Variants in LINGO2 observed in about 807,000 individuals in gnomAD.
LINGO2 encodes leucine-rich repeat and immunoglobulin-like domain-containing nogo receptor-interacting protein 2.
A neutral mutation model predicts 30.6 loss-of-function variants in LINGO2; 14 were observed. The observed-to-expected ratio is 0.46, with a 90% CI of 0.30 to 0.72. LINGO2 has a LOEUF of 0.72. Among genes scored for constraint, LINGO2 ranks in the 30% least tolerant of loss-of-function variants. The probability of loss-of-function intolerance (pLI) is 0.07; values close to 1 mark genes in which losing one functional copy is unlikely to be tolerated. For synonymous variants in LINGO2, 317 were observed against 288.5 expected (o/e 1.10, Z -1.00); for missense variants, 729 against 751.7 (o/e 0.97, Z 0.35).
At chr9:28,173,140 T>C (rs2044962) in intron 4 of LINGO2, among the ~76,000 whole-genome samples, 53,715 of 151,660 alleles carry the variant, frequency 0.35, 10,408 homozygotes, top group East Asian at 0.49. Context: ...CAAGGTCTGT[T>C]ATATATATAT....
At chr9:28,648,703 G>A (rs1049000427) in intron 1 of LINGO2, among the ~76,000 whole-genome samples, 2 of 151,926 alleles carry the variant, frequency 1.3e-5, no homozygotes, top group African/African-American at 4.8e-5. Flanking sequence ...ACAAGTCTTA[G>A]TACTCTTAGT....
chr9:28,750,572 T>C, the LINGO2 span, among the ~76,000 whole-genome samples: 1 of 152,074 alleles, frequency 6.6e-6, no homozygotes, highest in African/African-American at 2.4e-5. Flanking sequence ...ATTTTTCCTA[T>C]TGTGTAATTT....
chr9:27,944,129 G>A (rs1823274344), downstream of LINGO2: 1 of 152,130 alleles, frequency 6.6e-6, no homozygotes, highest in African/African-American at 2.4e-5. Flanking sequence ...TCTCACATAA[G>A]ATAAGGAAGT....
At chr9:28,400,626 A>G (rs920139643) in intron 2 of LINGO2, among the ~76,000 whole-genome samples, 5 of 152,218 alleles carry the variant, frequency 3.3e-5, no homozygotes, top group Non-Finnish European at 7.3e-5. Context: ...TTCTATGCAT[A>G]GTGTTTTGAT....
the LINGO2 span, among the ~76,000 whole-genome samples, chr9:28,797,329 C>CATACATATATAT: frequency 1.5e-5 from 1 of 65,928 alleles, no homozygotes; most frequent in Admixed American, 2.6e-4. Flanking sequence ...ATCATATATA[C>CATACATATATAT]ATATATATAT....
the LINGO2 span, among the ~76,000 whole-genome samples, chr9:29,208,956 T>C: frequency 9.2e-5 from 14 of 152,154 alleles, no homozygotes; most frequent in East Asian, 3.8e-4. Flanking sequence ...ATACAGCAAC[T>C]GTATCTGTTG....
intron 3 of LINGO2, among the ~76,000 whole-genome samples, chr9:28,297,592 G>A (rs1165207895): frequency 6.6e-6 from 1 of 152,154 alleles, no homozygotes; most frequent in Admixed American, 6.6e-5. Context: ...GACCAGAGCT[G>A]GGAAATTCAT....
chr9:28,142,093 C>A (rs1264037374), intron 4 of LINGO2, among the ~76,000 whole-genome samples: 1 of 150,672 alleles, frequency 6.6e-6, no homozygotes, highest in Non-Finnish European at 1.5e-5. Context: ...AACTTCCTTC[C>A]TTTTCTGTGT....
chr9:29,103,000 A>G, the LINGO2 span, among the ~76,000 whole-genome samples: 2 of 152,116 alleles, frequency 1.3e-5, no homozygotes, highest in African/African-American at 4.8e-5. Context: ...TAATAAGCTA[A>G]AACAATATAT....
intron 5 of LINGO2, among the ~76,000 whole-genome samples, chr9:27,999,582 G>T (rs1410879085): frequency 6.6e-6 from 1 of 152,126 alleles, no homozygotes; most frequent in Admixed American, 6.5e-5. Context: ...TATGTTTATA[G>T]TGGGTCACTT....
chr9:28,636,437 C>A (rs987457473), intron 1 of LINGO2, among the ~76,000 whole-genome samples: 2 of 152,148 alleles, frequency 1.3e-5, no homozygotes, highest in African/African-American at 4.8e-5. Flanking sequence ...TATAGTCCCA[C>A]CAACAGTGTA....
At chr9:28,776,789 G>A in the LINGO2 span, among the ~76,000 whole-genome samples, 1 of 151,468 alleles carries the variant, frequency 6.6e-6, no homozygotes, top group South Asian at 2.1e-4. Context: ...TCAGAACAGA[G>A]GAAGTATAGA....
the LINGO2 span, among the ~76,000 whole-genome samples, chr9:29,144,146 T>G: frequency 1.3e-5 from 2 of 152,188 alleles, no homozygotes; most frequent in Admixed American, 6.6e-5. Flanking sequence ...CTTTTACCAG[T>G]ACCGTGCTGT....
chr9:28,551,074 A>G (rs1822254923), intron 1 of LINGO2, among the ~76,000 whole-genome samples: 2 of 151,928 alleles, frequency 1.3e-5, no homozygotes, highest in South Asian at 4.1e-4. Context: ...ACATTTCTGT[A>G]GATTAATACA....
chr9:29,085,872 T>G, the LINGO2 span, among the ~76,000 whole-genome samples: 1 of 152,170 alleles, frequency 6.6e-6, no homozygotes, highest in African/African-American at 2.4e-5. Flanking sequence ...ATCTGTTAAA[T>G]CTAGTTGTAT....
chr9:27,984,895 T>C (rs1387591945), intron 5 of LINGO2, among the ~76,000 whole-genome samples: 1 of 151,886 alleles, frequency 6.6e-6, no homozygotes, highest in Non-Finnish European at 1.5e-5. Flanking sequence ...CACAACATTG[T>C]AATTATCACA....
intron 2 of LINGO2, among the ~76,000 whole-genome samples, chr9:28,385,178 T>G (rs1405898551): frequency 6.6e-6 from 1 of 152,186 alleles, no homozygotes; most frequent in Non-Finnish European, 1.5e-5. Flanking sequence ...TGGCCAATCT[T>G]AAAAGAAGCA....
At chr9:29,010,774 C>G in the LINGO2 span, among the ~76,000 whole-genome samples, 5 of 152,080 alleles carry the variant, frequency 3.3e-5, no homozygotes, top group East Asian at 9.7e-4. Context: ...CATAAAAGTG[C>G]CTCAGGAGGC....
intron 3 of LINGO2, among the ~76,000 whole-genome samples, chr9:28,348,344 A>G (rs1422000198): frequency 1.3e-5 from 2 of 152,168 alleles, no homozygotes; most frequent in Non-Finnish European, 2.9e-5. Flanking sequence ...GGGAAGCGCA[A>G]GGGGTCAGAG....
Sources: allele counts gnomAD v4.1 joint callset (sites outside exome capture counted in the v4.1 genomes callset), GRCh38; gene constraint gnomAD v4.1.1; transcripts MANE v1.5; gene names NCBI Gene and HGNC (gene_info 2026-07-23, HGNC 2026-07-21).